The following EYS variants were observed in gnomAD, a reference collection of about 807,000 sequenced individuals.
The protein encoded by EYS is EGF-like photoreceptor maintenance factor.
EYS carries 250 observed loss-of-function variants against 282.1 expected under a neutral mutation model. The ratio of observed to expected loss-of-function variants is 0.89; its 90% CI spans 0.80 to 0.98. EYS has a LOEUF of 0.98. EYS is among the 50% of genes least tolerant of loss of function. EYS has a pLI of 0.00. For missense variants in EYS, 4,016 were observed against 3,709.0 expected (o/e 1.08, Z -2.15); for synonymous variants, 1,355 against 1,282.9 (o/e 1.06, Z -1.20).
intron 26 of EYS, among the ~76,000 whole-genome samples, chr6:64,444,104 AGG>A (rs34997534): frequency 0.28 from 42,032 of 151,962 alleles, 5,916 homozygotes; most frequent in East Asian, 0.46. Flanking sequence ...TCATGAAATT[AGG>A]GGTAATTTCT....
intron 29 of EYS, among the ~76,000 whole-genome samples, chr6:64,342,310 G>A (rs6899354): frequency 0.031 from 4,765 of 151,538 alleles, 237 homozygotes; most frequent in African/African-American, 0.11. Flanking sequence ...AAGGGCAGCC[G>A]GAGAGAAAGG....
intron 2 of EYS, among the ~76,000 whole-genome samples, chr6:65,512,694 G>A (rs1562232968): frequency 1.3e-5 from 2 of 151,834 alleles, no homozygotes; most frequent in Non-Finnish European, 2.9e-5. Flanking sequence ...TGACTACTGG[G>A]CACATAATGA....
intron 22 of EYS, among the ~76,000 whole-genome samples, chr6:64,751,225 C>T (rs1017165196): frequency 1.4e-4 from 21 of 152,162 alleles, no homozygotes; most frequent in African/African-American, 5.1e-4. Flanking sequence ...CATTTGCTCC[C>T]CTGGTTTTGG....
At chr6:64,977,094 T>C (rs1390499286) in intron 14 of EYS, among the ~76,000 whole-genome samples, 1 of 152,034 alleles carries the variant, frequency 6.6e-6, no homozygotes, top group Middle Eastern at 3.4e-3. Flanking sequence ...GATTTTGCCA[T>C]GTTGGCTAGG....
intron 26 of EYS, among the ~76,000 whole-genome samples, chr6:64,518,228 C>A (rs1432976270): frequency 6.6e-6 from 1 of 151,694 alleles, no homozygotes; most frequent in Non-Finnish European, 1.5e-5. Context: ...AAGAAATAGA[C>A]CCAATTGATT....
intron 1 of EYS, among the ~76,000 whole-genome samples, chr6:65,675,813 C>T (rs1768567609): frequency 6.6e-6 from 1 of 151,862 alleles, no homozygotes; most frequent in Non-Finnish European, 1.5e-5. Flanking sequence ...CTCAAGTGTA[C>T]ATATTCTTCT....
At chr6:64,018,111 T>TAC (rs888138555) in intron 33 of EYS, among the ~76,000 whole-genome samples, 5 of 151,934 alleles carry the variant, frequency 3.3e-5, no homozygotes, top group Non-Finnish European at 7.4e-5. Context: ...TACACACTTA[T>TAC]ACACACACAC....
At chr6:65,429,220 T>A (rs553920999) in intron 5 of EYS, among the ~76,000 whole-genome samples, 117 of 151,978 alleles carry the variant, frequency 7.7e-4, no homozygotes, top group Non-Finnish European at 9.3e-4. Flanking sequence ...GTAGCAACAG[T>A]TAACTGGAAG....
intron 12 of EYS, among the ~76,000 whole-genome samples, chr6:65,222,319 G>T (rs915129114): frequency 6.6e-6 from 1 of 152,118 alleles, no homozygotes; most frequent in African/African-American, 2.4e-5. Context: ...AGAGTGGGAG[G>T]CAATTGAATC....
chr6:64,043,010 G>A (rs573030325), intron 33 of EYS, among the ~76,000 whole-genome samples: 187 of 152,164 alleles, frequency 1.2e-3, no homozygotes, highest in Non-Finnish European at 2.3e-3. Flanking sequence ...TCTGTGCTCA[G>A]TTTCCTCTTC....
intron 2 of EYS, among the ~76,000 whole-genome samples, chr6:65,531,217 G>T (rs966421364): frequency 9.2e-5 from 14 of 152,066 alleles, no homozygotes; most frequent in African/African-American, 3.4e-4. Context: ...AGAAATTAAT[G>T]TTCTCCCGGC....
chr6:64,369,599 T>A (rs1772287116), intron 29 of EYS, among the ~76,000 whole-genome samples: 2 of 152,100 alleles, frequency 1.3e-5, no homozygotes, highest in African/African-American at 4.8e-5. Flanking sequence ...CAATGATTTG[T>A]AATTCTCATT....
intron 22 of EYS, among the ~76,000 whole-genome samples, chr6:64,647,924 C>T (rs1051612976): frequency 6.6e-6 from 1 of 152,088 alleles, no homozygotes; most frequent in Non-Finnish European, 1.5e-5. Flanking sequence ...AAGGAAAAAA[C>T]ATGCTTCCGT....
intron 12 of EYS, among the ~76,000 whole-genome samples, chr6:65,266,977 C>CATAT (rs1308194470): frequency 1.2e-3 from 167 of 143,312 alleles, no homozygotes; most frequent in African/African-American, 3.4e-3. Context: ...CATACCTTGA[C>CATAT]ATATATATAT....
intron 35 of EYS, among the ~76,000 whole-genome samples, chr6:63,922,699 C>T (rs750203316): frequency 1.8e-4 from 28 of 152,152 alleles, no homozygotes; most frequent in Non-Finnish European, 3.5e-4. Flanking sequence ...TCATAAGATG[C>T]GTCATTGTTT....
At chr6:64,683,144 TAAAGGC>T (rs1769961240) in intron 22 of EYS, among the ~76,000 whole-genome samples, 2 of 152,222 alleles carry the variant, frequency 1.3e-5, no homozygotes, top group Non-Finnish European at 1.5e-5. Context: ...ATCTGTCTGC[TAAAGGC>T]AGAATCAACA....
At chr6:65,360,810 C>T (rs12195773) in intron 8 of EYS, among the ~76,000 whole-genome samples, 30,601 of 151,978 alleles carry the variant, frequency 0.2, 3,877 homozygotes, top group Non-Finnish European at 0.27. Context: ...GTAGTCACTG[C>T]TATGTAGAAA....
At position 63,816,046 on chromosome 6, in the gene EYS, TACTA is replaced by T. The variant is rs143591999; in HGVS notation, c.7229-9678_7229-9675del. On this transcript the variant is annotated intron_variant, in intron 36 of 42. Transcript: ENST00000503581. Reference sequence around the variant, plus strand: ...AAGAAGGCAGTGGCATCTTGCAAAATACTAACTCATTTCTGGGGACCACAACACC... The same window carrying T: ...AAGAAGGCAGTGGCATCTTGCAAAATACTCATTTCTGGGGACCACAACACC... 6.2e-3 allele frequency among the ~76,000 whole-genome samples: 949 copies of T among 152,310 alleles called. 9 individuals are homozygous for T. The highest frequency in any genetic ancestry group is 0.021 in the African/African-American group (887 of 41,578).
chr6:64,962,089 A>G (rs916557487), intron 14 of EYS, among the ~76,000 whole-genome samples: 3 of 151,958 alleles, frequency 2.0e-5, no homozygotes, highest in Non-Finnish European at 4.4e-5. Context: ...GTTCTTTGTC[A>G]CTACTTCTTC....
Sources: allele counts gnomAD v4.1 joint callset (sites outside exome capture counted in the v4.1 genomes callset), GRCh38; gene constraint gnomAD v4.1.1; transcripts MANE v1.5; gene names NCBI Gene and HGNC (gene_info 2026-07-23, HGNC 2026-07-21).